SERINC5: variants seen among roughly 807,000 people sequenced by gnomAD.
The protein encoded by SERINC5 is chromosome 5 open reading frame 12.
A neutral mutation model predicts 63.1 loss-of-function variants in SERINC5; 41 were observed. The ratio of observed to expected loss-of-function variants is 0.65; its 90% CI spans 0.51 to 0.84. SERINC5 has a LOEUF of 0.84. SERINC5 is among the 40% of genes least tolerant of loss of function. SERINC5 has a pLI of 0.00. For synonymous variants in SERINC5, 222 were observed against 215.2 expected (o/e 1.03, Z -0.28); for missense variants, 523 against 573.0 (o/e 0.91, Z 0.89).
Position 80,227,585 on chromosome 5 carries a change from A to AC in SERINC5, c.28-24533dup, listed in dbSNP as rs1751224195. The stretch of plus-strand genomic sequence containing the variant: ...AGACCAGCCTGGACAACATGGTGAA[A>AC]CCCCGTCTCTACTAAAAATACAAAA... On this transcript the variant is annotated intron_variant, in intron 1 of 11. Transcript: ENST00000507668. Among the ~76,000 whole-genome samples the AC allele has an allele frequency of 1.4e-5, 2 of 145,088 alleles. 1 individual carries two copies. Among genetic ancestry groups the AC allele is most frequent in the South Asian group, 4.4e-4 (2 of 4,548 alleles).
At chr5:80,173,269 GGAAGGA>G (rs1561393229) in intron 5 of SERINC5, among the ~76,000 whole-genome samples, 16 of 147,212 alleles carry the variant, frequency 1.1e-4, no homozygotes, top group Non-Finnish European at 1.8e-4. Context: ...AAGGAAGGAA[GGAAGGA>G]AGGAAGAAAA....
intron 1 of SERINC5, among the ~76,000 whole-genome samples, chr5:80,230,299 T>C (rs536199127): frequency 1.3e-5 from 2 of 152,030 alleles, no homozygotes; most frequent in Non-Finnish European, 2.9e-5. Flanking sequence ...GGTGAAACCC[T>C]GACTCTACTA....
chr5:80,169,014 C>T (rs979015741), intron 6 of SERINC5, among the ~76,000 whole-genome samples: 3 of 152,042 alleles, frequency 2.0e-5, no homozygotes, highest in Non-Finnish European at 2.9e-5. Flanking sequence ...AGCTCATAAA[C>T]ACCTGATCTT....
chr5:80,137,536 G>A (rs1295654645), downstream of SERINC5, among the ~76,000 whole-genome samples: 7 of 151,742 alleles, frequency 4.6e-5, no homozygotes, highest in African/African-American at 1.4e-4. Context: ...CTGCTACTCG[G>A]GAGGCTGAGG....
Position 80,242,240 on chromosome 5 carries a change from T to G in SERINC5, c.27+13656A>C, listed in dbSNP as rs189005567. ...CTATCACGTCTATAAAAAGCATACT[T>G]TTAAGTATAAAGACAGATTAGTTGA... On this transcript the variant is annotated intron_variant, in intron 1 of 11. Coordinates refer to ENST00000507668, the MANE Select transcript of SERINC5 (RefSeq NM_001174072.3). 1.3e-4 allele frequency among the ~76,000 whole-genome samples: 20 copies of G among 152,324 alleles called. No homozygotes were observed. The East Asian group carries it at 3.3e-3, about 25-fold the overall frequency.
At chr5:80,134,683 C>T (rs1161294405), downstream of SERINC5, among the ~76,000 whole-genome samples, 3 of 152,136 alleles carry the variant, frequency 2.0e-5, no homozygotes, top group African/African-American at 7.2e-5. Context: ...AAGGTGGTTT[C>T]GATGCCACAA....
intron 2 of SERINC5, among the ~76,000 whole-genome samples, chr5:80,196,262 G>C (rs186015763): frequency 6.6e-6 from 1 of 152,060 alleles, no homozygotes; most frequent in Non-Finnish European, 1.5e-5. Context: ...GAAAGCAAGC[G>C]AACGGGAAGG....
At chr5:80,192,045 C>T (rs1160670442) in intron 2 of SERINC5, among the ~76,000 whole-genome samples, 1 of 152,226 alleles carries the variant, frequency 6.6e-6, no homozygotes, top group Non-Finnish European at 1.5e-5. Flanking sequence ...CACTGGTTGG[C>T]TGGCCATGCC....
At chr5:80,130,522 G>A (rs576224943) in intron 11 of SERINC5, among the ~76,000 whole-genome samples, 84 of 152,196 alleles carry the variant, frequency 5.5e-4, no homozygotes, top group African/African-American at 2.0e-3. Flanking sequence ...ACATCTTCCC[G>A]GTTTGTCGTA....
chr5:80,192,790 C>G (rs531925651), intron 2 of SERINC5, among the ~76,000 whole-genome samples: 174 of 152,346 alleles, frequency 1.1e-3, no homozygotes, highest in African/African-American at 4.0e-3. Flanking sequence ...AAAAACACTT[C>G]ATTCCATTTT....
chr5:80,197,330 AGAG>A, intron 2 of SERINC5, among the ~76,000 whole-genome samples: 1 of 27,214 alleles, frequency 3.7e-5, no homozygotes, highest in East Asian at 1.6e-3. Context: ...AGAGAGAGAG[AGAG>A]AGAGAGAGAG....
At chr5:80,209,995 C>G (rs1046267759) in intron 1 of SERINC5, among the ~76,000 whole-genome samples, 8 of 151,888 alleles carry the variant, frequency 5.3e-5, no homozygotes, top group Non-Finnish European at 8.8e-5. Context: ...CGGGTCGAGG[C>G]TGCAGTGAGC....
chr5:80,162,396 C>T (rs912976534), intron 7 of SERINC5, among the ~76,000 whole-genome samples: 5 of 152,040 alleles, frequency 3.3e-5, no homozygotes, highest in Non-Finnish European at 7.4e-5. Flanking sequence ...TTTTTTGAGA[C>T]GTGGTCTTGC....
At chr5:80,160,073 G>A (rs1036726119) in intron 7 of SERINC5, among the ~76,000 whole-genome samples, 1 of 152,102 alleles carries the variant, frequency 6.6e-6, no homozygotes, top group African/African-American at 2.4e-5. Flanking sequence ...CTGGAGGGCC[G>A]GACTTGTGAC....
At position 80,139,017 on chromosome 5, in the gene SERINC5, G is replaced by C; in HGVS notation, c.*4646C>G. 1.0e-6 allele frequency: 1 copy of C among 981,904 alleles called. No homozygotes were observed. The highest frequency in any genetic ancestry group is 1.2e-6 in the Non-Finnish European group (1 of 826,828). 60.8% of individuals were successfully genotyped at this position (981,904 alleles called of 1,614,324 possible). On this transcript the variant is annotated 3_prime_UTR_variant, in exon 12 of 12. Transcript: ENST00000507668. ...CATTAAAAAACAAATAGAAATCCAT[G>C]ACTAAAGGGGGAAAATAACTTTCAA...
chr5:80,151,295 A>C (rs1451152858), intron 8 of SERINC5, among the ~76,000 whole-genome samples: 1 of 152,216 alleles, frequency 6.6e-6, no homozygotes, highest in Non-Finnish European at 1.5e-5. Flanking sequence ...CCCTTTGACT[A>C]GTCTTGCTTA....
chr5:80,250,207 C>T (rs375699015), intron 1 of SERINC5, among the ~76,000 whole-genome samples: 6 of 152,202 alleles, frequency 3.9e-5, no homozygotes, highest in South Asian at 4.1e-4. Context: ...ATCAAGTCCA[C>T]GAAGCAGAAA....
At chr5:80,178,540 T>G (rs1359339395) in intron 2 of SERINC5, among the ~76,000 whole-genome samples, 3 of 45,514 alleles carry the variant, frequency 6.6e-5, no homozygotes, top group African/African-American at 2.5e-4. Flanking sequence ...TTTTTGTATT[T>G]TTTTTTTTTT....
intron 1 of SERINC5, among the ~76,000 whole-genome samples, chr5:80,243,743 TTAAA>T (rs70982044): frequency 0.029 from 4,017 of 140,056 alleles, 65 homozygotes; most frequent in Middle Eastern, 0.043. Flanking sequence ...CTGTCTCTAT[TTAAA>T]TAAATAAATA....
Sources: gnomAD v4.1 joint callset for allele counts (sites outside exome capture counted in the v4.1 genomes callset) on GRCh38, gnomAD v4.1.1 for gene constraint, MANE v1.5 for transcripts, NCBI Gene and HGNC (gene_info 2026-07-23, HGNC 2026-07-21) for gene names.